CACNA1E: variants seen among roughly 807,000 people sequenced by gnomAD.
CACNA1E encodes the protein voltage-dependent R-type calcium channel subunit alpha-1E.
CACNA1E carries 40 observed loss-of-function variants against 259.2 expected under a neutral mutation model. The observed-to-expected ratio is 0.15, with a 90% CI of 0.12 to 0.20. CACNA1E has a LOEUF of 0.20. Ranked by LOEUF, CACNA1E falls within the 10% of genes least tolerant of loss-of-function variation. The pLI is 1.00. For missense variants in CACNA1E, 1,874 were observed against 3,040.1 expected, an observed-to-expected ratio of 0.62 and a Z score of 9.02; for synonymous variants, 1,104 against 1,138.5, an observed-to-expected ratio of 0.97 and a Z score of 0.61.
chr1:181,392,962 G>A (rs189355363), intron 1 of CACNA1E, among the ~76,000 whole-genome samples: 36 of 152,282 alleles, frequency 2.4e-4, no homozygotes, highest in Admixed American at 2.0e-3. Flanking sequence ...TGGTTCTTCA[G>A]GGAGGTAAGA....
chr1:181,457,077 A>G (rs1222865047), intron 2 of CACNA1E, among the ~76,000 whole-genome samples: 2 of 152,224 alleles, frequency 1.3e-5, no homozygotes, highest in Admixed American at 6.5e-5. Context: ...TTGTAACAAC[A>G]GAAATTTATT....
At chr1:181,333,565 A>G (rs1390349340) in intron 1 of CACNA1E, among the ~76,000 whole-genome samples, 1 of 152,232 alleles carries the variant, frequency 6.6e-6, no homozygotes, top group Non-Finnish European at 1.5e-5. Flanking sequence ...CCCAAGGGCC[A>G]TAGTTTGCTA....
At chr1:181,729,367 G>C (rs975369235) in intron 18 of CACNA1E, among the ~76,000 whole-genome samples, 6 of 152,182 alleles carry the variant, frequency 3.9e-5, no homozygotes, top group African/African-American at 1.4e-4. Context: ...AGTTGTATAT[G>C]CCTTGCTCAG....
chr1:181,578,868 A>G (rs1187841524), intron 4 of CACNA1E, among the ~76,000 whole-genome samples: 2 of 152,254 alleles, frequency 1.3e-5, no homozygotes, highest in African/African-American at 2.4e-5. Flanking sequence ...TGGGAAGATG[A>G]ACTTTATCCC....
chr1:181,720,716 C>A, intron 14 of CACNA1E, 67 bp from the exon 15 acceptor site: 1 of 911,206 alleles, frequency 1.1e-6, no homozygotes, highest in Non-Finnish European at 1.8e-6. Flanking sequence ...AAGCTGTGAT[C>A]TTGGGGAATG....
At chr1:181,365,528 T>TG (rs1654209517) in intron 1 of CACNA1E, among the ~76,000 whole-genome samples, 1 of 152,206 alleles carries the variant, frequency 6.6e-6, no homozygotes, top group African/African-American at 2.4e-5. Context: ...AATCTGATGA[T>TG]GGGGTCAGGG....
At chr1:181,500,607 G>T (rs1335059518) in intron 1 of CACNA1E, among the ~76,000 whole-genome samples, 5 of 152,172 alleles carry the variant, frequency 3.3e-5, no homozygotes, top group Non-Finnish European at 5.9e-5. Flanking sequence ...TCTGCACATT[G>T]GGTCTTAGTC....
chr1:181,551,701 C>T (rs115403845), intron 3 of CACNA1E, among the ~76,000 whole-genome samples: 1,755 of 152,146 alleles, frequency 0.012, 23 homozygotes, highest in Non-Finnish European at 0.019. Flanking sequence ...CCCTTCAGAT[C>T]GTCCAGTTCA....
At position 181,630,605 on chromosome 1, in the gene CACNA1E, C is replaced by A. The variant is rs114907521; in HGVS notation, c.952-20733C>A. ...TGGAATCCTGAACACACTCCAGGCA[C>A]CTCTCTTCTTACTGAACACCACCTA... On this transcript the variant is annotated intron_variant, in intron 6 of 47. Transcript: ENST00000367573. 1.9e-3 allele frequency among the ~76,000 whole-genome samples: 289 copies of A among 152,210 alleles called. 1 individual carries two copies. Among genetic ancestry groups the A allele is most frequent in the African/African-American group, 6.8e-3 (283 of 41,528 alleles).
chr1:181,562,125 T>A (rs961153727), intron 3 of CACNA1E, among the ~76,000 whole-genome samples: 1 of 152,148 alleles, frequency 6.6e-6, no homozygotes, highest in African/African-American at 2.4e-5. Context: ...GATTTTTAAA[T>A]TTTTTGCTAT....
chr1:181,665,253 A>C (rs1648105117), intron 7 of CACNA1E, among the ~76,000 whole-genome samples: 1 of 152,052 alleles, frequency 6.6e-6, no homozygotes, highest in African/African-American at 2.4e-5. Flanking sequence ...ACACATTTTC[A>C]CACATGTATA....
At position 181,802,657 on chromosome 1, in the gene CACNA1E, G is replaced by T. The variant is rs924790832; in HGVS notation, c.*3823G>T. ...GTTTGGAACTCACCTGGTGCTCCTC[G>T]CAAGACAACTGACACAAGGTGTAGG... On this transcript the variant is annotated 3_prime_UTR_variant, in exon 48 of 48. Coordinates refer to ENST00000367573, the MANE Select transcript of CACNA1E (RefSeq NM_001205293.3). 1 of 152,158 alleles carries T rather than the reference G, an allele frequency of 6.6e-6. No homozygotes were observed. The highest frequency in any genetic ancestry group is 1.5e-5 in the Non-Finnish European group (1 of 68,044). 9.4% of individuals were successfully genotyped at this position (152,158 alleles called of 1,614,324 possible).
At chr1:181,380,861 G>C (rs941265166) in intron 1 of CACNA1E, among the ~76,000 whole-genome samples, 1 of 152,152 alleles carries the variant, frequency 6.6e-6, no homozygotes, top group African/African-American at 2.4e-5. Context: ...TTTACCCAAG[G>C]GTAATGAAAG....
chr1:181,584,279 A>G (rs1391276863), intron 6 of CACNA1E, among the ~76,000 whole-genome samples: 1 of 152,132 alleles, frequency 6.6e-6, no homozygotes, highest in Non-Finnish European at 1.5e-5. Flanking sequence ...CTTACTGTTG[A>G]TAAACTCATG....
At chr1:181,505,339 G>T (rs1435741776) in intron 1 of CACNA1E, among the ~76,000 whole-genome samples, 1 of 151,996 alleles carries the variant, frequency 6.6e-6, no homozygotes, top group African/African-American at 2.4e-5. Context: ...CAGCAAGACA[G>T]AATTTTTTCT....
At chr1:181,453,374 T>C (rs1661276540) in intron 2 of CACNA1E, among the ~76,000 whole-genome samples, 1 of 152,214 alleles carries the variant, frequency 6.6e-6, no homozygotes, top group South Asian at 2.1e-4. Context: ...GCCTTTCTCC[T>C]CTTCTTAAAT....
At chr1:181,601,894 C>T (rs1653781571) in intron 6 of CACNA1E, among the ~76,000 whole-genome samples, 2 of 152,200 alleles carry the variant, frequency 1.3e-5, no homozygotes, top group Non-Finnish European at 2.9e-5. Flanking sequence ...CTGCTTCTTG[C>T]CTTAATCTGC....
intron 3 of CACNA1E, among the ~76,000 whole-genome samples, chr1:181,529,000 GA>G (rs1667572100): frequency 6.6e-6 from 1 of 152,210 alleles, no homozygotes; most frequent in Non-Finnish European, 1.5e-5. Context: ...AGACGATGGG[GA>G]AAATATCTCC....
At chr1:181,336,046 G>T (rs553060195) in intron 1 of CACNA1E, among the ~76,000 whole-genome samples, 2 of 152,298 alleles carry the variant, frequency 1.3e-5, no homozygotes, top group Non-Finnish European at 2.9e-5. Context: ...CTAATCAATA[G>T]AACTTACTTT....
Sources: gnomAD v4.1 joint callset for allele counts (sites outside exome capture counted in the v4.1 genomes callset) on GRCh38, gnomAD v4.1.1 for gene constraint, MANE v1.5 for transcripts, NCBI Gene and HGNC (gene_info 2026-07-23, HGNC 2026-07-21) for gene names.